The following NEK4 variants were observed in gnomAD, a reference collection of about 807,000 sequenced individuals.
NEK4 encodes NIMA related kinase 4, also known as serine/threonine-protein kinase Nek4.
Under a neutral mutation model 98.4 loss-of-function variants are expected in NEK4, and 86 were observed. The observed-to-expected ratio is 0.87, with a 90% CI of 0.73 to 1.05. The LOEUF (loss-of-function observed/expected upper bound fraction) is 1.05. Among genes scored for constraint, NEK4 ranks in the 50% least tolerant of loss-of-function variants. NEK4 has a pLI of 0.00. For missense variants in NEK4, 898 were observed against 950.3 expected (o/e 0.94, Z 0.72); for synonymous variants, 328 against 342.2 (o/e 0.96, Z 0.46).
At chr3:52,739,823 A>C (rs143843400) in intron 13 of NEK4, among the ~76,000 whole-genome samples, 189 bp from the exon 14 acceptor site, 1 of 152,352 alleles carries the variant, frequency 6.6e-6, no homozygotes, top group East Asian at 1.9e-4. Flanking sequence ...CAACAACGTA[A>C]AGGGAATGCA....
chr3:52,746,954 T>C (rs756870435), intron 8 of NEK4, 50 bp from the exon 9 acceptor site: 121 of 1,395,244 alleles, frequency 8.7e-5, no homozygotes, highest in Non-Finnish European at 1.1e-4. Flanking sequence ...ACCTGGTACA[T>C]TGTAATCCAA....
Position 52,760,890 on chromosome 3 carries a change from G to A in NEK4, c.868C>T (p.Pro290Ser), listed in dbSNP as rs772649466. The A allele has an allele frequency of 6.2e-7, 1 of 1,605,746 alleles. No individual in the cohort carries two copies. The highest frequency in any genetic ancestry group is 8.5e-7 in the Non-Finnish European group (1 of 1,174,038). ...NIKNGDSQSK[P>S]FATVVSGEAE... is the part of the protein sequence containing the mutation. ...TCTCCAGAAACCACTGTAGCAAAAG[G>A]CTTGGATTGAGAGTCACCATTTTTA... The change falls in exon 6 of 16, where the codon CCT (proline) becomes TCT (serine). Residue 290 changes from proline to serine, a missense_variant. Pro to Ser is a moderately conservative substitution (Grantham distance 74, BLOSUM62 -1). Coordinates refer to ENST00000233027, the MANE Select transcript of NEK4 (RefSeq NM_003157.6).
chr3:52,720,143 C>T (rs975077146), intron 15 of NEK4, among the ~76,000 whole-genome samples: 10 of 151,884 alleles, frequency 6.6e-5, no homozygotes, highest in African/African-American at 1.5e-4. Flanking sequence ...ATTAGCTGGG[C>T]GTGGTGGCAT....
rs746425255 is a variant in NEK4, at chr3:52,739,441, C to A, written c.2287G>T (p.Glu763Ter). 26 of 1,613,834 alleles carry A rather than the reference C, an allele frequency of 1.6e-5. 1 individual carries two copies. The East Asian group carries it at 5.6e-4, about 35-fold the overall frequency. The change falls in exon 14 of 16, where the codon GAG (glutamate) becomes TAG (stop). Residue 763 changes from glutamate to a stop codon, truncating the protein, a stop_gained. Coordinates refer to ENST00000233027, the MANE Select transcript of NEK4 (RefSeq NM_003157.6). LOFTEE classifies it high-confidence loss of function. Reference sequence around the variant, plus strand: ...ATAAGCTGATCACCTGAAGGTAGCTCTTTAAAATGGATTTCCTCTGCCTCT... The same window carrying A: ...ATAAGCTGATCACCTGAAGGTAGCTATTTAAAATGGATTTCCTCTGCCTCT... ...AEEAEEIHFK[E>*]LPSAIMPGSE... is the part of the protein sequence containing the mutation.
chr3:52,747,857 A>G (rs2097398871), intron 8 of NEK4, among the ~76,000 whole-genome samples: 1 of 151,682 alleles, frequency 6.6e-6, no homozygotes, highest in South Asian at 2.1e-4. Flanking sequence ...AGGTAAGAGG[A>G]TTGTATGAGT....
At chr3:52,753,673 T>A in intron 6 of NEK4, 1 of 584,838 alleles carries the variant, frequency 1.7e-6, no homozygotes, top group Non-Finnish European at 3.4e-6. Flanking sequence ...TGCCCATAAC[T>A]AAGCCTACGG....
At chr3:52,763,725 C>G in intron 4 of NEK4, 101 bp from the exon 5 acceptor site, 1 of 817,494 alleles carries the variant, frequency 1.2e-6, no homozygotes, top group Non-Finnish European at 1.9e-6. Context: ...CATATGTCCA[C>G]ATAAGCAGAA....
Position 52,770,910 on chromosome 3 carries a change from T to G in NEK4, c.-164A>C, listed in dbSNP as rs1451566028. ...GGGGCCCGGCCCGCGACGACGCCGC[T>G]GCCATAGCGATCCGGGCCGGGAGCA... On this transcript the variant is annotated 5_prime_UTR_variant, in exon 1 of 16. Coordinates refer to ENST00000233027, the MANE Select transcript of NEK4 (RefSeq NM_003157.6). 1.6e-6 allele frequency: 1 copy of G among 621,026 alleles called. No homozygotes were observed. The highest frequency in any genetic ancestry group is 1.9e-5 in the African/African-American group (1 of 52,964). 38.5% of individuals were successfully genotyped at this position (621,026 alleles called of 1,614,324 possible).
At chr3:52,713,410 T>C (rs2154101724) in intron 15 of NEK4, among the ~76,000 whole-genome samples, 1 of 152,348 alleles carries the variant, frequency 6.6e-6, no homozygotes, top group East Asian at 1.9e-4. Context: ...CTGCCTATTC[T>C]GCACTAACTT....
At position 52,710,771 on chromosome 3, in the gene NEK4, A is replaced by AG. The variant is rs2097349615; in HGVS notation, c.*1005_*1006insC. 2.0e-5 allele frequency: 3 copies of AG among 152,164 alleles called. No homozygotes were observed. The allele number at this position is 152,164 out of a possible 1,614,324, so 9.4% of individuals were successfully genotyped here. ...AGTGAAACTCTGTCTCAAAAAAAAA[A>AG]CACCTGAAAACATTTCTGGAGCAAT... On this transcript the variant is annotated 3_prime_UTR_variant, in exon 16 of 16. Transcript: ENST00000233027.
Position 52,760,823 on chromosome 3 carries a change from G to A in NEK4, c.935C>T (p.Ser312Phe), listed in dbSNP as rs1698326747. 1 of 1,610,650 alleles carries A rather than the reference G, an allele frequency of 6.2e-7. No individual in the cohort carries two copies. Among genetic ancestry groups the A allele is most frequent in the Non-Finnish European group, 8.5e-7 (1 of 1,177,674 alleles). The part of the protein sequence containing the change: ...NHEVIHPQPL[S>F]SEGSQTYIMG... ...TATATATGTCTGGGAGCCCTCAGAAGAGAGTGGTTGGGGGTGGATTACTTC... is the reference window on the plus strand; with the variant it reads ...TATATATGTCTGGGAGCCCTCAGAAAAGAGTGGTTGGGGGTGGATTACTTC... The change falls in exon 6 of 16, where the codon TCT (serine) becomes TTT (phenylalanine). Residue 312 changes from serine (S) to phenylalanine (F), a missense_variant. By Grantham distance (155) the Ser-to-Phe change is radical. Coordinates refer to ENST00000233027, the MANE Select transcript of NEK4 (RefSeq NM_003157.6).
chr3:52,731,951 G>A (rs2097370161), intron 15 of NEK4, among the ~76,000 whole-genome samples: 1 of 152,170 alleles, frequency 6.6e-6, no homozygotes, highest in South Asian at 2.1e-4. Context: ...ACGGTTTTAT[G>A]AAGGGCAGTC....
At chr3:52,749,969 A>G (rs1337053509) in intron 7 of NEK4, 140 bp from the exon 8 acceptor site, 1 of 152,708 alleles carries the variant, frequency 6.5e-6, no homozygotes, top group Non-Finnish European at 1.5e-5. Context: ...ATGGATGCAG[A>G]TAAACTGGAA....
chr3:52,717,278 G>A (rs2097355925), intron 15 of NEK4, among the ~76,000 whole-genome samples: 2 of 151,854 alleles, frequency 1.3e-5, no homozygotes, highest in South Asian at 2.1e-4. Context: ...GTGGTGGTGA[G>A]TGCCTATAAT....
intron 15 of NEK4, among the ~76,000 whole-genome samples, chr3:52,722,732 G>A (rs186553619): frequency 4.2e-4 from 64 of 151,964 alleles, no homozygotes; most frequent in Non-Finnish European, 7.7e-4. Context: ...GCGAAACCCC[G>A]TCTCTACAAA....
intron 6 of NEK4, among the ~76,000 whole-genome samples, chr3:52,756,872 T>A (rs2097415965): frequency 6.6e-6 from 1 of 152,204 alleles, no homozygotes; most frequent in Non-Finnish European, 1.5e-5. Flanking sequence ...ATTGACATCC[T>A]GAATATATGG....
intron 7 of NEK4, among the ~76,000 whole-genome samples, chr3:52,750,139 C>T (rs2154104996): frequency 6.6e-6 from 1 of 152,326 alleles, no homozygotes; most frequent in East Asian, 1.9e-4. Context: ...CACACAGAAA[C>T]TTGTATGCAA....
chr3:52,768,614 AAC>A lies in NEK4; in HGVS notation c.94-12_94-11del, dbSNP rs1324697224. The A allele has an allele frequency of 6.2e-7, 1 of 1,612,034 alleles. No individual in the cohort carries two copies. The highest frequency in any genetic ancestry group is 2.2e-5 in the East Asian group (1 of 44,854). ...GTTTTTTGATGACATACTAAAAACA[AAC>A]CATGTATTTTTACAATGTGCAAATA... On this transcript the variant is annotated splice_polypyrimidine_tract_variant and intron_variant, in intron 1 of 15. Transcript: ENST00000233027.
At chr3:52,741,388 G>A in intron 13 of NEK4, 23 bp downstream of exon 13, 1 of 1,360,210 alleles carries the variant, frequency 7.4e-7, no homozygotes, top group Non-Finnish European at 1.1e-6. Flanking sequence ...TTTATAAAGG[G>A]AGACAGAAAA....
Sources: gnomAD v4.1 joint callset for allele counts (sites outside exome capture counted in the v4.1 genomes callset) on GRCh38, gnomAD v4.1.1 for gene constraint, MANE v1.5 for transcripts, NCBI Gene and HGNC (gene_info 2026-07-23, HGNC 2026-07-21) for gene names.